Variants in SLC38A1 observed in about 807,000 individuals in gnomAD.
SLC38A1 encodes sodium-coupled neutral amino acid symporter 1.
A neutral mutation model predicts 60.3 loss-of-function variants in SLC38A1; 18 were observed. The ratio of observed to expected loss-of-function variants is 0.30; its 90% confidence interval spans 0.21 to 0.44. The LOEUF (loss-of-function observed/expected upper bound fraction) is 0.44, where lower values mean the gene tolerates loss of function less well. SLC38A1 is among the 20% of genes least tolerant of loss of function. The probability of loss-of-function intolerance (pLI) is 1.00; values close to 1 mark genes in which losing one functional copy is unlikely to be tolerated. For synonymous variants in SLC38A1, 196 were observed against 212.1 expected (o/e 0.92, Z 0.66); for missense variants, 448 against 587.2 (o/e 0.76, Z 2.45).
At chr12:46,205,993 A>G in intron 9 of SLC38A1, 87 bp downstream of exon 9, 1 of 739,848 alleles carries the variant, frequency 1.4e-6, no homozygotes, top group Non-Finnish European at 2.3e-6. Flanking sequence ...TGCAGAGGGG[A>G]AGCAGAGGGC....
intron 2 of SLC38A1, among the ~76,000 whole-genome samples, chr12:46,240,463 T>A (rs1254215733): frequency 2.0e-5 from 3 of 152,184 alleles, no homozygotes; most frequent in Non-Finnish European, 4.4e-5. Context: ...CCCAAAGTGT[T>A]CAAATTACAG....
chr12:46,220,165 T>C (rs1940601379), intron 5 of SLC38A1, among the ~76,000 whole-genome samples: 1 of 152,226 alleles, frequency 6.6e-6, no homozygotes, highest in Admixed American at 6.5e-5. Context: ...CACTTTCCCA[T>C]TTCCCTATTT....
chr12:46,256,870 T>G (rs908943510), intron 1 of SLC38A1, among the ~76,000 whole-genome samples: 2 of 152,184 alleles, frequency 1.3e-5, no homozygotes, highest in African/African-American at 4.8e-5. Context: ...AATATCAAAC[T>G]GGCAAGGCTC....
At chr12:46,220,379 A>G (rs1378828070) in intron 5 of SLC38A1, among the ~76,000 whole-genome samples, 1 of 152,246 alleles carries the variant, frequency 6.6e-6, no homozygotes, top group South Asian at 2.1e-4. Flanking sequence ...TTTCTAAGGA[A>G]CTGTGACTAT....
At chr12:46,192,224 A>G (rs1360178837) in intron 16 of SLC38A1, among the ~76,000 whole-genome samples, 1 of 152,072 alleles carries the variant, frequency 6.6e-6, no homozygotes, top group Non-Finnish European at 1.5e-5. Context: ...TGTTTATGTG[A>G]TGGATTACAT....
intron 13 of SLC38A1, 123 bp downstream of exon 13, chr12:46,200,975 T>C (rs1259192033): frequency 5.6e-6 from 4 of 710,136 alleles, no homozygotes; most frequent in East Asian, 5.6e-5. Context: ...AAGAAAAAAC[T>C]AGAAAAACCA....
In SLC38A1 at chr12:46,184,240, A is replaced by G. The variant is rs1013455005; in HGVS notation, c.*4730T>C. 1.3e-5 allele frequency: 2 copies of G among 152,250 alleles called. No homozygotes were observed. The highest frequency in any genetic ancestry group is 2.9e-5 in the Non-Finnish European group (2 of 68,040). The allele number at this position is 152,250 out of a possible 1,614,324, so 9.4% of individuals were successfully genotyped here. On this transcript the variant is annotated 3_prime_UTR_variant, in exon 17 of 17. Transcript: ENST00000398637. ...GTTAGACACCCCACCTTCAGCTTGT[A>G]CCTGAAAGCTTTATCTCGTTATAAA...
rs142176282 is a variant in SLC38A1, at chr12:46,256,636, C to CACACACAGAGAG, written c.-209+11889_-209+11890insCTCTCTGTGTGT. On this transcript the variant is annotated intron_variant, in intron 1 of 16. Coordinates refer to ENST00000398637, the MANE Select transcript of SLC38A1 (RefSeq NM_030674.4). The stretch of plus-strand genomic sequence containing the variant: ...GCGCACACACACACACACACACACA[C>CACACACAGAGAG]AGAGAGAGAGAGAGAGAGAGAGAGA... Among the ~76,000 whole-genome samples, 29 of 123,262 alleles carry CACACACAGAGAG rather than the reference C, an allele frequency of 2.4e-4. 1 individual carries two copies. In the South Asian group the frequency reaches 7.2e-3, roughly 31 times the overall value. 80.9% of individuals were successfully genotyped at this position (123,262 alleles called of 152,430 possible). A position where few individuals can be genotyped will look rare whatever the true frequency, so the allele number is the denominator to read the frequency against.
intron 3 of SLC38A1, among the ~76,000 whole-genome samples, chr12:46,235,278 A>G (rs1325632829): frequency 6.6e-6 from 1 of 152,236 alleles, no homozygotes; most frequent in African/African-American, 2.4e-5. Context: ...TATTTTAATC[A>G]GGTTCTTACT....
intron 5 of SLC38A1, among the ~76,000 whole-genome samples, chr12:46,216,620 G>A (rs1940424541): frequency 6.6e-6 from 1 of 152,194 alleles, no homozygotes; most frequent in Admixed American, 6.5e-5. Flanking sequence ...GGAGGCAGAG[G>A]TGGGCAGATT....
At chr12:46,221,658 C>T (rs1382162286) in intron 5 of SLC38A1, among the ~76,000 whole-genome samples, 1 of 152,182 alleles carries the variant, frequency 6.6e-6, no homozygotes, top group Non-Finnish European at 1.5e-5. Context: ...TGAGGAGCAG[C>T]TACGTGCAAA....
At chr12:46,208,911 A>G in intron 6 of SLC38A1, 143 bp downstream of exon 6, 5 of 613,796 alleles carry the variant, frequency 8.1e-6, no homozygotes, top group South Asian at 6.1e-5. Flanking sequence ...ATACTACTAT[A>G]GGTCTTCCAA....
chr12:46,199,832 C>T (rs1001478314), intron 13 of SLC38A1, among the ~76,000 whole-genome samples: 8 of 152,118 alleles, frequency 5.3e-5, no homozygotes, highest in Non-Finnish European at 8.8e-5. Context: ...GTCTCAAGGT[C>T]CTCAGCATGG....
At chr12:46,245,052 C>A (rs1255682313) in intron 1 of SLC38A1, among the ~76,000 whole-genome samples, 1 of 152,168 alleles carries the variant, frequency 6.6e-6, no homozygotes, top group Non-Finnish European at 1.5e-5. Context: ...GATAACATAT[C>A]ATCTATAAAT....
chr12:46,249,168 A>AAAAAAAAAAAAAAG lies in SLC38A1; in HGVS notation c.-208-5855_-208-5854insCTTTTTTTTTTTTT, dbSNP rs555103632. ...GAGACTCCGCCTCAAAAAAAAAAAA[A>AAAAAAAAAAAAAAG]AAAAAAAGAAACTCACTCAAAACCG... is the stretch of plus-strand genomic sequence containing the variant. On this transcript the variant is annotated intron_variant, in intron 1 of 16. Coordinates refer to ENST00000398637, the MANE Select transcript of SLC38A1 (RefSeq NM_030674.4). 6.3e-5 allele frequency among the ~76,000 whole-genome samples: 8 copies of AAAAAAAAAAAAAAG among 126,442 alleles called. 1 individual carries two copies. Among genetic ancestry groups the AAAAAAAAAAAAAAG allele is most frequent in the Non-Finnish European group, 6.5e-5 (4 of 61,158 alleles). The allele number at this position is 126,442 out of a possible 152,430, so 83.0% of individuals were successfully genotyped here. A position where few individuals can be genotyped will look rare whatever the true frequency, so the allele number is the denominator to read the frequency against.
chr12:46,194,471 G>A (rs1240490500), intron 16 of SLC38A1, among the ~76,000 whole-genome samples: 1 of 152,176 alleles, frequency 6.6e-6, no homozygotes, highest in Non-Finnish European at 1.5e-5. Context: ...GAATTTGAAT[G>A]TTGGGCTGCC....
Position 46,223,186 on chromosome 12 carries a change from C to T in SLC38A1, c.314+5967G>A, listed in dbSNP as rs534691294. Among the ~76,000 whole-genome samples, 7 of 152,184 alleles carry T rather than the reference C, an allele frequency of 4.6e-5. No individual in the cohort carries two copies. In the South Asian group the frequency reaches 1.0e-3, roughly 23 times the overall value. On this transcript the variant is annotated intron_variant, in intron 5 of 16. Coordinates refer to ENST00000398637, the MANE Select transcript of SLC38A1 (RefSeq NM_030674.4). ...TAGAGTCAAGCAAGCCTGGATGGGA[C>T]GCTGGCTCCCCTACTTTCTAATGTG...
Position 46,197,925 on chromosome 12 carries a change from C to G in SLC38A1, c.1258G>C (p.Val420Leu), listed in dbSNP as rs1378479060. The G allele has an allele frequency of 6.2e-7, 1 of 1,614,000 alleles. No individual in the cohort carries two copies. The highest frequency in any genetic ancestry group is 8.5e-7 in the Non-Finnish European group (1 of 1,179,962). The change falls in exon 15 of 17, where the codon GTC (valine) becomes CTC (leucine). Residue 420 changes from valine to leucine, a missense_variant. This residue lies in a region of SLC38A1 where 346 missense variants were observed against 497.5 expected (regional missense o/e 0.70). Coordinates refer to ENST00000398637, the MANE Select transcript of SLC38A1 (RefSeq NM_030674.4). ...CAAAGTCATGAAGCCATACCTACGA[C>G]TCCAAAAATATCCTTCATGGAGGGT... ...FIPSMKDIFG[V>L]VGVTSANMLI...
chr12:46,190,898 T>C (rs141234062), intron 16 of SLC38A1, among the ~76,000 whole-genome samples: 3,074 of 152,320 alleles, frequency 0.02, 47 homozygotes, highest in Middle Eastern at 0.037. Flanking sequence ...TTCACTCTGA[T>C]GGTAGTTTCT....
Sources: gnomAD v4.1 joint callset for allele counts (sites outside exome capture counted in the v4.1 genomes callset) on GRCh38, gnomAD v4.1.1 for gene constraint, gnomAD v4.1.1 regional missense constraint, MANE v1.5 for transcripts, NCBI Gene and HGNC (gene_info 2026-07-23, HGNC 2026-07-21) for gene names.